The following FRMD6 variants were observed in gnomAD, a reference collection of about 807,000 sequenced individuals.
The protein encoded by FRMD6 is FERM domain containing 6.
Under a neutral mutation model 73.2 loss-of-function variants are expected in FRMD6, and 37 were observed. That is an observed-to-expected ratio of 0.51 (90% CI 0.39 to 0.66). The LOEUF is 0.66. Among genes scored for constraint, FRMD6 ranks in the 30% least tolerant of loss-of-function variants. The pLI is 0.00. For missense variants in FRMD6, 714 were observed against 780.5 expected (o/e 0.91, Z 1.02); for synonymous variants, 273 against 282.2 (o/e 0.97, Z 0.33).
chr14:51,643,497 G>C (rs1891905861), intron 2 of FRMD6: 1 of 152,216 alleles, frequency 6.6e-6, no homozygotes, highest in Non-Finnish European at 1.5e-5. Context: ...ACGGATGATT[G>C]AGTTGACCTG....
At chr14:51,412,333 G>A in the FRMD6 span, among the ~76,000 whole-genome samples, 3 of 152,168 alleles carry the variant, frequency 2.0e-5, no homozygotes, top group African/African-American at 4.8e-5. Flanking sequence ...GAAAAATGAC[G>A]TGATGAATCT....
chr14:51,505,669 C>T (rs910919644), intron 1 of FRMD6, among the ~76,000 whole-genome samples: 3 of 152,146 alleles, frequency 2.0e-5, no homozygotes, highest in Non-Finnish European at 4.4e-5. Context: ...CCAATGGGCA[C>T]CTTAAATGCA....
intron 2 of FRMD6, among the ~76,000 whole-genome samples, chr14:51,631,997 G>T (rs537848105): frequency 3.2e-4 from 48 of 152,310 alleles, no homozygotes; most frequent in African/African-American, 1.0e-3. Flanking sequence ...TTGAATTGTA[G>T]TTCCCATAAT....
intron 2 of FRMD6, among the ~76,000 whole-genome samples, chr14:51,696,871 C>T (rs143423310): frequency 0.018 from 2,711 of 152,138 alleles, 40 homozygotes; most frequent in Non-Finnish European, 0.027. Flanking sequence ...TGAAAGGATA[C>T]TTGTCCTGAG....
chr14:51,437,539 T>C, the FRMD6 span, among the ~76,000 whole-genome samples: 3 of 152,208 alleles, frequency 2.0e-5, no homozygotes, highest in South Asian at 6.2e-4. Context: ...CCTGAACTTG[T>C]GATCCGCCCG....
the FRMD6 span, among the ~76,000 whole-genome samples, chr14:51,402,299 T>A: frequency 6.6e-6 from 1 of 152,174 alleles, no homozygotes; most frequent in Admixed American, 6.5e-5. Flanking sequence ...GGCAGCTATT[T>A]CACAAACCTT....
At chr14:51,423,750 A>G in the FRMD6 span, among the ~76,000 whole-genome samples, 2 of 152,134 alleles carry the variant, frequency 1.3e-5, no homozygotes, top group Non-Finnish European at 2.9e-5. Flanking sequence ...GAATTTTACC[A>G]GTTTCATCTA....
At chr14:51,521,636 G>C (rs534549522) in intron 1 of FRMD6, among the ~76,000 whole-genome samples, 3 of 151,394 alleles carry the variant, frequency 2.0e-5, no homozygotes, top group African/African-American at 7.3e-5. Context: ...GTTGATAGAC[G>C]CGGGCAGGTT....
chr14:51,510,421 C>T (rs536078485), intron 1 of FRMD6, among the ~76,000 whole-genome samples: 1 of 152,128 alleles, frequency 6.6e-6, no homozygotes, highest in Non-Finnish European at 1.5e-5. Flanking sequence ...TTCAATATTT[C>T]CGTGATTTTT....
chr14:51,637,375 ATTGAT>A (rs1181096439), intron 2 of FRMD6: 2 of 152,020 alleles, frequency 1.3e-5, no homozygotes, highest in East Asian at 1.9e-4. Context: ...TTATTCTGTA[ATTGAT>A]TTATGTGCTC....
the FRMD6 span, among the ~76,000 whole-genome samples, chr14:51,458,849 A>T: frequency 6.6e-6 from 1 of 152,092 alleles, no homozygotes; most frequent in Non-Finnish European, 1.5e-5. Context: ...AGGGCTGGTG[A>T]TGGAAATGAA....
intron 2 of FRMD6, among the ~76,000 whole-genome samples, chr14:51,594,348 G>A (rs1299537458): frequency 1.1e-5 from 1 of 90,350 alleles, no homozygotes; most frequent in African/African-American, 6.4e-5. Context: ...ATTTTTTTGA[G>A]ACGGAGTTTC....
chr14:51,414,514 T>G, the FRMD6 span, among the ~76,000 whole-genome samples: 3 of 152,208 alleles, frequency 2.0e-5, no homozygotes, highest in Non-Finnish European at 4.4e-5. Flanking sequence ...TTGGTCTATA[T>G]CTCTGTTTTG....
intron 2 of FRMD6, among the ~76,000 whole-genome samples, chr14:51,596,534 T>G (rs1452384859): frequency 2.0e-5 from 3 of 152,192 alleles, no homozygotes; most frequent in African/African-American, 7.2e-5. Flanking sequence ...AGTGTACTCC[T>G]TCGTAAGTTT....
chr14:51,701,493 A>G (rs1046088207), intron 4 of FRMD6, among the ~76,000 whole-genome samples: 23 of 146,092 alleles, frequency 1.6e-4, no homozygotes, highest in African/African-American at 5.7e-4. Flanking sequence ...TATACTTAGT[A>G]TATATAGAAA....
At chr14:51,712,088 C>T (rs1383530466) in intron 8 of FRMD6, among the ~76,000 whole-genome samples, 2 of 152,104 alleles carry the variant, frequency 1.3e-5, no homozygotes, top group East Asian at 3.9e-4. Flanking sequence ...CTGCAGCCAT[C>T]AAAAAGGGAG....
chr14:51,577,783 T>A (rs1046956326), intron 2 of FRMD6, among the ~76,000 whole-genome samples: 1 of 152,212 alleles, frequency 6.6e-6, no homozygotes, highest in Non-Finnish European at 1.5e-5. Flanking sequence ...ATCCTAGCTC[T>A]GCCATTTCTT....
intron 1 of FRMD6, among the ~76,000 whole-genome samples, chr14:51,490,616 T>TTGTGTGTGTGTGTG (rs58046471): frequency 0.023 from 3,448 of 148,088 alleles, 111 homozygotes; most frequent in African/African-American, 0.071. Context: ...TGTGTGTATT[T>TTGTGTGTGTGTGTG]TGTGTGTGTG....
At chr14:51,544,049 C>G (rs980654609) in intron 1 of FRMD6, among the ~76,000 whole-genome samples, 1 of 151,958 alleles carries the variant, frequency 6.6e-6, no homozygotes, top group Non-Finnish European at 1.5e-5. Context: ...ACAGCTTCAA[C>G]AGTTATCAAA....
Sources: gnomAD v4.1 joint callset for allele counts (sites outside exome capture counted in the v4.1 genomes callset) on GRCh38, gnomAD v4.1.1 for gene constraint, MANE v1.5 for transcripts, NCBI Gene and HGNC (gene_info 2026-07-23, HGNC 2026-07-21) for gene names.